The following GGH variants were observed in gnomAD, a reference collection of about 807,000 sequenced individuals.
The protein encoded by GGH is gamma-Glu-X carboxypeptidase.
A neutral mutation model predicts 39.2 loss-of-function variants in GGH; 18 were observed. The ratio of observed to expected loss-of-function variants is 0.46; its 90% CI spans 0.32 to 0.68. The LOEUF is 0.68. Ranked by LOEUF, GGH falls within the 30% of genes least tolerant of loss-of-function variation. The pLI, the probability that GGH is intolerant of heterozygous loss-of-function variation, is 0.04. For missense variants in GGH, 367 were observed against 384.1 expected (o/e 0.96, Z 0.37); for synonymous variants, 147 against 138.8 (o/e 1.06, Z -0.42).
chr8:63,023,122 T>G (rs1804624274), intron 7 of GGH, among the ~76,000 whole-genome samples: 1 of 152,204 alleles, frequency 6.6e-6, no homozygotes, highest in Admixed American at 6.5e-5. Flanking sequence ...TCAAAAAAAC[T>G]ATTTACATTT....
At chr8:63,031,658 C>T (rs529979958) in intron 2 of GGH, among the ~76,000 whole-genome samples, 120 of 152,354 alleles carry the variant, frequency 7.9e-4, no homozygotes, top group African/African-American at 2.8e-3. Flanking sequence ...GGCTCCCACA[C>T]TGTCCATGAC....
rs757615985 is a variant in GGH at position 63,017,488 on chromosome 8, A to C, written c.835+5T>G. On this transcript the variant is annotated splice_donor_5th_base_variant and intron_variant, in intron 8 of 8. Coordinates refer to ENST00000260118, the MANE Select transcript of GGH (RefSeq NM_003878.3). Reference sequence around the variant, plus strand: ...GAATAACAAAATTATGTACCCTCATATTACCTTCATTAACAAAAAACTCTG... The same window carrying C: ...GAATAACAAAATTATGTACCCTCATCTTACCTTCATTAACAAAAAACTCTG... 6.2e-7 allele frequency: 1 copy of C among 1,604,904 alleles called. No individual in the cohort carries two copies. The highest frequency in any genetic ancestry group is 8.5e-7 in the Non-Finnish European group (1 of 1,174,954).
chr8:63,026,121 C>G, intron 5 of GGH, 37 bp downstream of exon 5: 1 of 1,510,778 alleles, frequency 6.6e-7, no homozygotes, highest in South Asian at 1.3e-5. Context: ...TCCTGCCCAG[C>G]AAATATTTTT....
At chr8:63,017,228 C>A (rs1308100415) in intron 8 of GGH, 4 of 320,360 alleles carry the variant, frequency 1.2e-5, no homozygotes, top group South Asian at 7.8e-5. Flanking sequence ...AAAAAAAAAA[C>A]TCTCAACATT....
intron 2 of GGH, among the ~76,000 whole-genome samples, chr8:63,035,399 TGGTTCAAGC>T (rs1211337864): frequency 6.6e-6 from 1 of 152,102 alleles, no homozygotes; most frequent in Non-Finnish European, 1.5e-5. Flanking sequence ...TCCACCTCCC[TGGTTCAAGC>T]GATTCTCCTG....
At chr8:63,018,930 T>C (rs948466045) in intron 7 of GGH, among the ~76,000 whole-genome samples, 1 of 152,174 alleles carries the variant, frequency 6.6e-6, no homozygotes, top group African/African-American at 2.4e-5. Context: ...CAAAATAAAC[T>C]TGTAGTAACT....
intron 7 of GGH, chr8:63,023,364 T>G (rs1362535112): frequency 6.6e-6 from 1 of 152,276 alleles, no homozygotes; most frequent in East Asian, 1.9e-4. Flanking sequence ...TTTAGGTGTA[T>G]TTTGAGTTCA....
At chr8:63,027,049 C>A (rs1028445411) in intron 4 of GGH, 132 bp downstream of exon 4, 5 of 680,378 alleles carry the variant, frequency 7.3e-6, no homozygotes, top group Admixed American at 2.4e-5. Context: ...AGAACAGGCA[C>A]CTCAAAATTA....
rs1229997001 is a variant in GGH at position 63,030,293 on chromosome 8, T to C, written c.225-76A>G. On this transcript the variant is annotated intron_variant, in intron 2 of 8. Coordinates refer to ENST00000260118, the MANE Select transcript of GGH (RefSeq NM_003878.3). Reference sequence around the variant, plus strand: ...TCTAAATGAAGTCTCCACATTTACTTTTAAAAAGCCAAATAAAAACAAATT... The same window carrying C: ...TCTAAATGAAGTCTCCACATTTACTCTTAAAAAGCCAAATAAAAACAAATT... 10 of 719,158 alleles carry C rather than the reference T, an allele frequency of 1.4e-5. No homozygotes were observed. The Admixed American group carries it at 2.1e-4, about 15-fold the overall frequency. The allele number at this position is 719,158 out of a possible 1,614,324, so 44.5% of individuals were successfully genotyped here.
chr8:63,015,505 G>A, intron 8 of GGH, 52 bp from the exon 9 acceptor site: 3 of 1,199,438 alleles, frequency 2.5e-6, no homozygotes, highest in Non-Finnish European at 3.6e-6. Flanking sequence ...AAATCTTCAA[G>A]AGACTATTTT....
chr8:63,035,340 C>G (rs1804885310), intron 2 of GGH, among the ~76,000 whole-genome samples: 1 of 152,166 alleles, frequency 6.6e-6, no homozygotes, highest in Non-Finnish European at 1.5e-5. Flanking sequence ...GAGTCTCGAT[C>G]TGTTGCCCAA....
intron 2 of GGH, among the ~76,000 whole-genome samples, chr8:63,035,271 T>G (rs1037898804): frequency 2.0e-5 from 3 of 152,264 alleles, no homozygotes; most frequent in Non-Finnish European, 2.9e-5. Context: ...AACAATGTAA[T>G]CATAAGAGAG....
intron 7 of GGH, chr8:63,023,574 A>G (rs1804633476): frequency 6.0e-6 from 1 of 167,422 alleles, no homozygotes; most frequent in Non-Finnish European, 1.3e-5. Flanking sequence ...TTTCTCTATC[A>G]CCCACATTTA....
intron 3 of GGH, 88 bp downstream of exon 3, chr8:63,030,079 C>T: frequency 6.0e-6 from 4 of 666,152 alleles, no homozygotes; most frequent in Non-Finnish European, 8.2e-6. Context: ...TACATAGAAA[C>T]ATGTATAATA....
chr8:63,018,469 G>T (rs1804526833), intron 7 of GGH, among the ~76,000 whole-genome samples: 1 of 152,196 alleles, frequency 6.6e-6, no homozygotes, highest in African/African-American at 2.4e-5. Flanking sequence ...AATGAAAGAA[G>T]AGATATCTAG....
chr8:63,025,876 A>G (rs1804674540), intron 5 of GGH, among the ~76,000 whole-genome samples: 3 of 152,160 alleles, frequency 2.0e-5, no homozygotes, highest in African/African-American at 7.2e-5. Flanking sequence ...TCAAAACCAG[A>G]TCCCATTTCA....
At chr8:63,027,093 G>C (rs1399654568) in intron 4 of GGH, 88 bp downstream of exon 4, 2 of 768,142 alleles carry the variant, frequency 2.6e-6, no homozygotes, top group East Asian at 2.5e-5. Context: ...ATTTTGAAGG[G>C]AGCATTACCA....
At chr8:63,031,374 C>T (rs987690031) in intron 2 of GGH, among the ~76,000 whole-genome samples, 10 of 152,228 alleles carry the variant, frequency 6.6e-5, no homozygotes, top group African/African-American at 2.2e-4. Flanking sequence ...GGAGAAAATA[C>T]TGACAGGTAG....
intron 7 of GGH, among the ~76,000 whole-genome samples, chr8:63,018,812 T>C (rs974306612): frequency 2.6e-5 from 4 of 152,232 alleles, no homozygotes; most frequent in East Asian, 1.9e-4. Flanking sequence ...TCCTCAATAA[T>C]GCTTCATGCG....
Sources: gnomAD v4.1 joint callset for allele counts (sites outside exome capture counted in the v4.1 genomes callset) on GRCh38, gnomAD v4.1.1 for gene constraint, MANE v1.5 for transcripts, NCBI Gene and HGNC (gene_info 2026-07-23, HGNC 2026-07-21) for gene names.